CHN1: variants seen among roughly 807,000 people sequenced by gnomAD.
CHN1 encodes the protein N-chimaerin.
Under a neutral mutation model 59.5 loss-of-function variants are expected in CHN1, and 37 were observed. The ratio of observed to expected loss-of-function variants is 0.62; its 90% confidence interval spans 0.48 to 0.82. The LOEUF (loss-of-function observed/expected upper bound fraction) is 0.82, where lower values mean the gene tolerates loss of function less well. Among genes scored for constraint, CHN1 ranks in the 40% least tolerant of loss-of-function variants. The pLI is 0.00. For synonymous variants in CHN1, 206 were observed against 200.4 expected (o/e 1.03, Z -0.24); for missense variants, 469 against 571.0 (o/e 0.82, Z 1.82).
In CHN1 at chr2:174,962,013, G is replaced by A. The variant is rs191717100; in HGVS notation, c.20-9811C>T. On this transcript the variant is annotated intron_variant, in intron 1 of 12. Transcript: ENST00000409900. ...ATAAACATTTCATCGAGGGCCAGGCGCGGTGGCTCACGCCTGTAATCACAG... is the reference window on the plus strand; with the variant it reads ...ATAAACATTTCATCGAGGGCCAGGCACGGTGGCTCACGCCTGTAATCACAG... 1.6e-4 allele frequency among the ~76,000 whole-genome samples: 24 copies of A among 152,280 alleles called. No homozygotes were observed. The East Asian group carries it at 4.1e-3, about 26-fold the overall frequency.
At chr2:174,829,090 G>T (rs547887756) in intron 7 of CHN1, among the ~76,000 whole-genome samples, 50 of 152,232 alleles carry the variant, frequency 3.3e-4, no homozygotes, top group African/African-American at 1.2e-3. Flanking sequence ...AATGAATAAA[G>T]GGCAAAACGA....
At chr2:174,841,301 C>T (rs75839429) in intron 7 of CHN1, among the ~76,000 whole-genome samples, 4 of 152,228 alleles carry the variant, frequency 2.6e-5, no homozygotes, top group Admixed American at 6.5e-5. Flanking sequence ...AGAGGGCCAC[C>T]GTGCTGAGGG....
rs540077939 is a variant in CHN1 at position 174,957,186 on chromosome 2, C to T, written c.20-4984G>A. Reference sequence around the variant, plus strand: ...TCTTAGGAACACTGTCTAGACAGCACTTTAGCACGAGGCTTGGGGACCATT... The same window carrying T: ...TCTTAGGAACACTGTCTAGACAGCATTTTAGCACGAGGCTTGGGGACCATT... On this transcript the variant is annotated intron_variant, in intron 1 of 12. Coordinates refer to ENST00000409900, the MANE Select transcript of CHN1 (RefSeq NM_001822.7). 4.6e-5 allele frequency among the ~76,000 whole-genome samples: 7 copies of T among 152,264 alleles called. No individual in the cohort carries two copies. In the South Asian group the frequency reaches 1.0e-3, roughly 23 times the overall value.
chr2:174,988,342 G>A (rs1456467631), intron 1 of CHN1, among the ~76,000 whole-genome samples: 5 of 147,446 alleles, frequency 3.4e-5, no homozygotes, highest in Non-Finnish European at 5.9e-5. Flanking sequence ...GGGCAACAGA[G>A]TGAAACTCCG....
chr2:174,970,755 T>C (rs527718520), intron 1 of CHN1, among the ~76,000 whole-genome samples: 29 of 152,296 alleles, frequency 1.9e-4, no homozygotes, highest in African/African-American at 6.5e-4. Context: ...AAAGTCTACA[T>C]TGCAATTGAC....
chr2:174,850,233 C>CTGTT (rs1686684805), intron 6 of CHN1, among the ~76,000 whole-genome samples: 1 of 152,160 alleles, frequency 6.6e-6, no homozygotes, highest in Non-Finnish European at 1.5e-5. Flanking sequence ...ATCTGTGTAG[C>CTGTT]TGTTTAAATA....
At chr2:174,926,770 T>C (rs879268944) in intron 3 of CHN1, among the ~76,000 whole-genome samples, 1 of 151,996 alleles carries the variant, frequency 6.6e-6, no homozygotes, top group African/African-American at 2.4e-5. Flanking sequence ...CCATTTTTTT[T>C]TTTTTTAGAC....
intron 3 of CHN1, among the ~76,000 whole-genome samples, chr2:174,941,141 G>T (rs1689649589): frequency 6.6e-6 from 1 of 151,904 alleles, no homozygotes; most frequent in South Asian, 2.1e-4. Context: ...TTGATGGTAG[G>T]AAACTTTCAA....
At chr2:174,845,445 G>C (rs976318428) in intron 7 of CHN1, among the ~76,000 whole-genome samples, 1 of 152,056 alleles carries the variant, frequency 6.6e-6, no homozygotes, top group African/African-American at 2.4e-5. Context: ...AAAAGAAACT[G>C]AGGCCTAGAA....
Position 174,900,240 on chromosome 2 carries a change from C to T in CHN1, c.260+14818G>A, listed in dbSNP as rs142461596. ...GGGCAGTGACTCACAACTACAATCA[C>T]AGCACTCTGGGACCCGGAGAAGGGA... On this transcript the variant is annotated intron_variant, in intron 5 of 12. Coordinates refer to ENST00000409900, the MANE Select transcript of CHN1 (RefSeq NM_001822.7). Among the ~76,000 whole-genome samples the T allele has an allele frequency of 4.4e-3, 673 of 152,256 alleles. 6 individuals carry two copies. Among genetic ancestry groups the T allele is most frequent in the African/African-American group, 0.015 (634 of 41,550 alleles).
intron 5 of CHN1, among the ~76,000 whole-genome samples, chr2:174,882,155 G>A (rs1343913587): frequency 6.6e-6 from 1 of 152,136 alleles, no homozygotes; most frequent in African/African-American, 2.4e-5. Flanking sequence ...TCTCACCTAG[G>A]TAGAGTTCAG....
chr2:174,907,785 T>C (rs1012586271), intron 5 of CHN1, among the ~76,000 whole-genome samples: 1 of 152,046 alleles, frequency 6.6e-6, no homozygotes, highest in African/African-American at 2.4e-5. Flanking sequence ...TAAGTACCCA[T>C]AGGTACGAAA....
intron 3 of CHN1, among the ~76,000 whole-genome samples, chr2:174,934,204 G>C (rs576209454): frequency 6.6e-6 from 1 of 152,208 alleles, no homozygotes; most frequent in South Asian, 2.1e-4. Context: ...CCATAATGTA[G>C]AATCAGTGGG....
At chr2:174,901,810 T>TA (rs1688396050) in intron 5 of CHN1, among the ~76,000 whole-genome samples, 1 of 152,192 alleles carries the variant, frequency 6.6e-6, no homozygotes, top group Non-Finnish European at 1.5e-5. Context: ...CACGTGGTAA[T>TA]AAAAACAAAG....
At chr2:174,875,566 A>G (rs1687542764) in intron 6 of CHN1, among the ~76,000 whole-genome samples, 1 of 152,232 alleles carries the variant, frequency 6.6e-6, no homozygotes, top group South Asian at 2.1e-4. Flanking sequence ...AGTGACATAT[A>G]AAATTCATTC....
At chr2:174,863,937 TAAA>T (rs1687139639) in intron 6 of CHN1, among the ~76,000 whole-genome samples, 1 of 152,170 alleles carries the variant, frequency 6.6e-6, no homozygotes, top group South Asian at 2.1e-4. Context: ...CCCCCAAATT[TAAA>T]GTTTTATTCT....
chr2:174,839,245 CTG>C (rs948409562), intron 7 of CHN1, among the ~76,000 whole-genome samples: 1 of 152,046 alleles, frequency 6.6e-6, no homozygotes, highest in African/African-American at 2.4e-5. Flanking sequence ...TTGTTATTAA[CTG>C]TAAGAGGTGA....
At chr2:174,968,397 G>A (rs1250684443) in intron 1 of CHN1, among the ~76,000 whole-genome samples, 3 of 152,254 alleles carry the variant, frequency 2.0e-5, no homozygotes, top group Non-Finnish European at 2.9e-5. Context: ...CTGTAAGGAA[G>A]AAAGCAAAGT....
chr2:174,963,699 C>T (rs529534542), intron 1 of CHN1, among the ~76,000 whole-genome samples: 13 of 152,308 alleles, frequency 8.5e-5, no homozygotes, highest in Middle Eastern at 6.8e-3. Context: ...CAATTAAATA[C>T]TCAGCTATTT....
Sources: allele counts gnomAD v4.1 joint callset (sites outside exome capture counted in the v4.1 genomes callset), GRCh38; gene constraint gnomAD v4.1.1; transcripts MANE v1.5; gene names NCBI Gene and HGNC (gene_info 2026-07-23, HGNC 2026-07-21).